Variants in SNRNP35 observed in about 807,000 individuals in gnomAD.
SNRNP35 encodes small nuclear ribonucleoprotein U11/U12 subunit 35, also known as U11/U12 small nuclear ribonucleoprotein 35 kDa protein.
Under a neutral mutation model 24.3 loss-of-function variants are expected in SNRNP35, and 16 were observed. That is an observed-to-expected ratio of 0.66 (90% confidence interval 0.45 to 1.00). SNRNP35 has a LOEUF of 1.00. SNRNP35 is among the 50% of genes least tolerant of loss of function. The probability of loss-of-function intolerance (pLI) is 0.00; values close to 1 mark genes in which losing one functional copy is unlikely to be tolerated. For synonymous variants in SNRNP35, 106 were observed against 124.8 expected (o/e 0.85, Z 1.00); for missense variants, 292 against 327.2 (o/e 0.89, Z 0.83).
downstream of SNRNP35, chr12:123,470,715 C>CGGAAG (rs1881150737): frequency 6.6e-6 from 1 of 152,136 alleles, no homozygotes; most frequent in Non-Finnish European, 1.5e-5. Flanking sequence ...ACTCAAGAGG[C>CGGAAG]GGAAGTTGCA....
At chr12:123,463,680 G>A (rs1447466970) in intron 1 of SNRNP35, among the ~76,000 whole-genome samples, 2 of 152,032 alleles carry the variant, frequency 1.3e-5, no homozygotes, top group East Asian at 1.9e-4. Flanking sequence ...GATTACAGGC[G>A]TGAGCTACCG....
exon 2 of SNRNP35, chr12:123,472,867 T>G: frequency 1.6e-6 from 1 of 613,622 alleles, no homozygotes; most frequent in Non-Finnish European, 2.8e-6. Context: ...ATTCTGCGTG[T>G]CATTTGGACA....
In SNRNP35 at chr12:123,466,309, A is replaced by T. The variant is rs371135708; in HGVS notation, c.*28A>T. 6.6e-7 allele frequency: 1 copy of T among 1,506,590 alleles called. No individual in the cohort carries two copies. Among genetic ancestry groups the T allele is most frequent in the African/African-American group, 1.4e-5 (1 of 71,520 alleles). The allele number at this position is 1,506,590 out of a possible 1,614,324, so 93.3% of individuals were successfully genotyped here. A position where few individuals can be genotyped will look rare whatever the true frequency, so the allele number is the denominator to read the frequency against. On this transcript the variant is annotated 3_prime_UTR_variant, in exon 2 of 2. Coordinates refer to ENST00000526639, the MANE Select transcript of SNRNP35 (RefSeq NM_022717.4). ...GCCCAACAGCAGAACCCCAAAGTGA[A>T]GTTACAGTGGAAATGAGTGGAGGGG... is the stretch of plus-strand genomic sequence containing the variant.
intron 1 of SNRNP35, among the ~76,000 whole-genome samples, chr12:123,463,475 T>C (rs1269653039): frequency 6.6e-6 from 1 of 151,262 alleles, no homozygotes; most frequent in Non-Finnish European, 1.5e-5. Context: ...CCTCCTGGGT[T>C]CAAGCAATTC....
rs574214458 is a variant in SNRNP35 at position 123,466,551 on chromosome 12, T to C, written c.*270T>C. ...TACAGAAGGGCATTTTCTTTTCTTT[T>C]CTTTTTTTTTTTTTTGAGACAGAGT... On this transcript the variant is annotated 3_prime_UTR_variant, in exon 2 of 2. Transcript: ENST00000526639. 1.2e-3 allele frequency: 306 copies of C among 263,332 alleles called. No homozygotes were observed. The highest frequency in any genetic ancestry group is 6.2e-3 in the African/African-American group (268 of 43,014). The allele number at this position is 263,332 out of a possible 1,614,324, so 16.3% of individuals were successfully genotyped here.
downstream of SNRNP35, chr12:123,470,633 A>G (rs1881146230): frequency 6.6e-6 from 1 of 151,954 alleles, no homozygotes; most frequent in African/African-American, 2.4e-5. Flanking sequence ...AAAATACAAA[A>G]ATTAGTCAGG....
rs1483202142 is a variant in SNRNP35, at chr12:123,465,050, A to G, written c.-3-488A>G. 6.6e-6 allele frequency among the ~76,000 whole-genome samples: 1 copy of G among 152,172 alleles called. No homozygotes were observed. The highest frequency in any genetic ancestry group is 1.9e-4 in the East Asian group (1 of 5,202). ...GTGGTTCTAGTTGAGCCGGGTGAGA[A>G]GTTTGTGGAGGGTTATTATATGATT... is the stretch of plus-strand genomic sequence containing the variant. On this transcript the variant is annotated intron_variant, in intron 1 of 1. Coordinates refer to ENST00000526639, the MANE Select transcript of SNRNP35 (RefSeq NM_022717.4). This position sits in a 1 kb window ranked among gnomAD's most constrained non-coding sequence, Gnocchi z 4.2.
chr12:123,463,463 C>T (rs553565064), intron 1 of SNRNP35, among the ~76,000 whole-genome samples: 4 of 150,608 alleles, frequency 2.7e-5, no homozygotes, highest in South Asian at 2.1e-4. Flanking sequence ...CTGCAACCTC[C>T]GCCTCCTGGG....
chr12:123,462,347 G>A (rs1318124637), intron 1 of SNRNP35, among the ~76,000 whole-genome samples: 1 of 152,130 alleles, frequency 6.6e-6, no homozygotes, highest in African/African-American at 2.4e-5. Context: ...TACTAGGAAA[G>A]ACATGGGGCT....
downstream of SNRNP35, chr12:123,470,746 T>G (rs1372975063): frequency 6.6e-6 from 1 of 152,166 alleles, no homozygotes; most frequent in Non-Finnish European, 1.5e-5. Context: ...ATGGTGCCAC[T>G]ATACTTTGGC....
In SNRNP35 at chr12:123,458,226, A is replaced by C. The variant is rs1880383675; in HGVS notation, c.-4+10A>C. On this transcript the variant is annotated intron_variant, in intron 1 of 1. Transcript: ENST00000526639. ...CCCAAGCTTTGCAGAGGTGAGTGGA[A>C]GCGGCTTGGAAGGAGCGGGCCCCAC... 1.0e-6 allele frequency: 1 copy of C among 985,408 alleles called. No individual in the cohort carries two copies. Among genetic ancestry groups the C allele is most frequent in the Non-Finnish European group, 1.2e-6 (1 of 829,964 alleles). The allele number at this position is 985,408 out of a possible 1,614,324, so 61.0% of individuals were successfully genotyped here.
chr12:123,460,669 G>A (rs190050355), intron 1 of SNRNP35, among the ~76,000 whole-genome samples: 42 of 150,784 alleles, frequency 2.8e-4, no homozygotes, highest in African/African-American at 9.2e-4. Context: ...GTACTCAGGA[G>A]GCTAGGGTGG....
At chr12:123,459,755 C>G in intron 1 of SNRNP35, 1 of 1,313,758 alleles carries the variant, frequency 7.6e-7, no homozygotes, top group Middle Eastern at 1.9e-4. Context: ...CCATTGCACT[C>G]CAGCCTGGGT....
At position 123,466,335 on chromosome 12, in the gene SNRNP35, G is replaced by T. The variant is rs1880984456; in HGVS notation, c.*54G>T. On this transcript the variant is annotated 3_prime_UTR_variant, in exon 2 of 2. Transcript: ENST00000526639. ...GTTACAGTGGAAATGAGTGGAGGGG[G>T]ATTGTCTTTCAACGCAGCGTGAGTC... 1 of 1,487,554 alleles carries T rather than the reference G, an allele frequency of 6.7e-7. No homozygotes were observed. Among genetic ancestry groups the T allele is most frequent in the Admixed American group, 2.4e-5 (1 of 40,832 alleles). 92.1% of individuals were successfully genotyped at this position (1,487,554 alleles called of 1,614,324 possible). A position where few individuals can be genotyped will look rare whatever the true frequency, so the allele number is the denominator to read the frequency against.
exon 2 of SNRNP35, chr12:123,472,273 T>G: frequency 2.5e-6 from 1 of 401,304 alleles, no homozygotes. Flanking sequence ...CTGGCCTCCG[T>G]TTGTGGGATT....
At chr12:123,470,198 C>G (rs959283729), downstream of SNRNP35, 4 of 152,070 alleles carry the variant, frequency 2.6e-5, no homozygotes, top group Admixed American at 2.0e-4. Flanking sequence ...TGACATTTGG[C>G]CAGGCACGGT....
downstream of SNRNP35, among the ~76,000 whole-genome samples, chr12:123,469,088 T>C (rs2139294547): frequency 6.6e-6 from 1 of 152,066 alleles, no homozygotes; most frequent in East Asian, 1.9e-4. Context: ...GTTGTGACAA[T>C]CAAAAATGTC....
intron 1 of SNRNP35, among the ~76,000 whole-genome samples, chr12:123,461,444 G>A (rs977071598): frequency 3.3e-5 from 5 of 151,724 alleles, no homozygotes; most frequent in African/African-American, 7.3e-5. Context: ...TTTTTTTCAC[G>A]TGGAGAAATT....
At position 123,466,416 on chromosome 12, in the gene SNRNP35, A is replaced by C; in HGVS notation, c.*135A>C. 1.1e-6 allele frequency: 1 copy of C among 923,042 alleles called. No individual in the cohort carries two copies. The highest frequency in any genetic ancestry group is 1.6e-6 in the Non-Finnish European group (1 of 630,186). The allele number at this position is 923,042 out of a possible 1,614,324, so 57.2% of individuals were successfully genotyped here. A position where few individuals can be genotyped will look rare whatever the true frequency, so the allele number is the denominator to read the frequency against. ...TGGGGTTTGGAATAGTTTTCTTTCC[A>C]ATCTGGAACTTCGGTTCAAGCTGAT... On this transcript the variant is annotated 3_prime_UTR_variant, in exon 2 of 2. Coordinates refer to ENST00000526639, the MANE Select transcript of SNRNP35 (RefSeq NM_022717.4).
Sources: allele counts gnomAD v4.1 joint callset (sites outside exome capture counted in the v4.1 genomes callset), GRCh38; gene constraint gnomAD v4.1.1; non-coding constraint Gnocchi (gnomAD v3.1); transcripts MANE v1.5; gene names NCBI Gene and HGNC (gene_info 2026-07-23, HGNC 2026-07-21).